The following SMAP1 variants were observed in gnomAD, a reference collection of about 807,000 sequenced individuals.
SMAP1 encodes the protein small ArfGAP 1.
In SMAP1, 24 loss-of-function variants were observed where a neutral mutation model predicts 58.5. That is an observed-to-expected ratio of 0.41 (90% CI 0.30 to 0.58). SMAP1 has a LOEUF of 0.58. Ranked by LOEUF, SMAP1 falls within the 20% of genes least tolerant of loss-of-function variation. The pLI is 0.29. For missense variants in SMAP1, 563 were observed against 566.3 expected (o/e 0.99, Z 0.06); for synonymous variants, 216 against 196.6 (o/e 1.10, Z -0.82).
chr6:70,706,896 A>G (rs1437878563), intron 1 of SMAP1, among the ~76,000 whole-genome samples: 3 of 152,208 alleles, frequency 2.0e-5, no homozygotes, highest in Admixed American at 6.5e-5. Flanking sequence ...GGATATATCA[A>G]ATAAGCCAGT....
intron 1 of SMAP1, among the ~76,000 whole-genome samples, chr6:70,687,357 T>C (rs963878983): frequency 6.6e-6 from 1 of 152,180 alleles, no homozygotes; most frequent in East Asian, 1.9e-4. Flanking sequence ...AAGGGAAATA[T>C]ATTTAGTAGG....
At position 70,790,942 on chromosome 6, in the gene SMAP1, T is replaced by A. The variant is rs534865690; in HGVS notation, c.415-747T>A. On this transcript the variant is annotated intron_variant, in intron 4 of 10. Coordinates refer to ENST00000370455, the MANE Select transcript of SMAP1 (RefSeq NM_001044305.3). ...TAATGCTTCCATTAAAGTGATCAAC[T>A]ACGCATGCAGAAATTGGGCAGGAAG... Among the ~76,000 whole-genome samples the A allele has an allele frequency of 2.0e-5, 3 of 152,316 alleles. No individual in the cohort carries two copies. The South Asian group carries it at 6.2e-4, about 32-fold the overall frequency.
rs1020076600 is a variant in SMAP1 at position 70,861,226 on chromosome 6, A to ATTACT, written c.*894_*898dup. The ATTACT allele has an allele frequency of 5.9e-5, 10 of 170,684 alleles. No individual in the cohort carries two copies. The highest frequency in any genetic ancestry group is 2.4e-4 in the African/African-American group (10 of 42,030). The allele number at this position is 170,684 out of a possible 1,614,324, so 10.6% of individuals were successfully genotyped here. A position where few individuals can be genotyped will look rare whatever the true frequency, so the allele number is the denominator to read the frequency against. On this transcript the variant is annotated 3_prime_UTR_variant, in exon 11 of 11. Coordinates refer to ENST00000370455, the MANE Select transcript of SMAP1 (RefSeq NM_001044305.3). ...GTATACTGCCACTAACCTTCCAAAA[A>ATTACT]TTACTTAGTATTGCAAAGTCAGGAA...
chr6:70,681,009 C>T (rs1045197902), intron 1 of SMAP1, among the ~76,000 whole-genome samples: 2 of 151,684 alleles, frequency 1.3e-5, no homozygotes, highest in African/African-American at 4.8e-5. Flanking sequence ...TGAGCCACTG[C>T]GCCTGGCCAT....
At chr6:70,842,433 TTGGTGAACTGACA>T (rs1770838252) in intron 7 of SMAP1, among the ~76,000 whole-genome samples, 1 of 152,146 alleles carries the variant, frequency 6.6e-6, no homozygotes, top group Non-Finnish European at 1.5e-5. Context: ...AGTAGGGCAG[TTGGTGAACTGACA>T]CCAGAAACGG....
intron 6 of SMAP1, among the ~76,000 whole-genome samples, chr6:70,812,339 A>G (rs1047994685): frequency 4.6e-5 from 7 of 152,240 alleles, no homozygotes; most frequent in Admixed American, 1.3e-4. Context: ...ATCTTTCAAA[A>G]TCACACATCT....
intron 3 of SMAP1, among the ~76,000 whole-genome samples, chr6:70,764,909 T>A (rs1426320367): frequency 6.6e-6 from 1 of 152,144 alleles, no homozygotes; most frequent in Non-Finnish European, 1.5e-5. Flanking sequence ...AGGTGATCCT[T>A]CCACCTCAGC....
At chr6:70,802,271 G>A (rs1768895371) in intron 6 of SMAP1, among the ~76,000 whole-genome samples, 1 of 152,098 alleles carries the variant, frequency 6.6e-6, no homozygotes, top group Admixed American at 6.5e-5. Flanking sequence ...TATTCTCTTT[G>A]TAGCAGTTGT....
intron 1 of SMAP1, among the ~76,000 whole-genome samples, chr6:70,709,728 A>T: frequency 6.6e-6 from 1 of 151,894 alleles, no homozygotes; most frequent in East Asian, 1.9e-4. Flanking sequence ...CAAATTTTAC[A>T]GTTTTTTTCT....
At chr6:70,848,090 C>G (rs1289660325) in intron 7 of SMAP1, among the ~76,000 whole-genome samples, 1 of 152,014 alleles carries the variant, frequency 6.6e-6, no homozygotes, top group Non-Finnish European at 1.5e-5. Context: ...ATTTTGTGGC[C>G]TCTGAGCTTT....
At chr6:70,739,842 G>T (rs1427278681) in intron 2 of SMAP1, among the ~76,000 whole-genome samples, 2 of 150,892 alleles carry the variant, frequency 1.3e-5, no homozygotes, top group Non-Finnish European at 3.0e-5. Flanking sequence ...GTTGTCTACG[G>T]TTCATTTTGT....
intron 1 of SMAP1, among the ~76,000 whole-genome samples, chr6:70,713,731 C>A (rs1577109): frequency 0.5 from 75,298 of 151,788 alleles, 18,990 homozygotes; most frequent in Non-Finnish European, 0.52. Context: ...TTGAGTAGAA[C>A]GTTCTGTATA....
chr6:70,670,193 G>A (rs1766205777), intron 1 of SMAP1, among the ~76,000 whole-genome samples: 1 of 152,164 alleles, frequency 6.6e-6, no homozygotes, highest in Non-Finnish European at 1.5e-5. Flanking sequence ...GGAGAGAAGA[G>A]AATGGTATCA....
At chr6:70,817,138 A>T (rs189215878) in intron 6 of SMAP1, among the ~76,000 whole-genome samples, 7,518 of 140,404 alleles carry the variant, frequency 0.054, 263 homozygotes, top group African/African-American at 0.11. Context: ...ATATATATAT[A>T]TTTTTTTTTT....
At chr6:70,829,210 C>G (rs547785428) in intron 6 of SMAP1, among the ~76,000 whole-genome samples, 65 of 152,160 alleles carry the variant, frequency 4.3e-4, no homozygotes, top group African/African-American at 1.4e-3. Context: ...CATGCTTGCT[C>G]TGACCCTCTA....
intron 2 of SMAP1, 59 bp from the exon 3 acceptor site, chr6:70,754,921 T>C: frequency 1.0e-6 from 1 of 979,270 alleles, no homozygotes; most frequent in Non-Finnish European, 1.6e-6. Flanking sequence ...TGTGTATGTA[T>C]GTGCAGGAAT....
At chr6:70,852,098 A>G (rs1452344771) in intron 7 of SMAP1, among the ~76,000 whole-genome samples, 6 of 152,192 alleles carry the variant, frequency 3.9e-5, no homozygotes, top group Admixed American at 3.3e-4. Flanking sequence ...GGGATTATTA[A>G]TAAGTGTGGT....
At chr6:70,729,644 A>G (rs940500061) in intron 1 of SMAP1, among the ~76,000 whole-genome samples, 2 of 152,084 alleles carry the variant, frequency 1.3e-5, no homozygotes, top group Non-Finnish European at 2.9e-5. Flanking sequence ...TTTATATCCT[A>G]GGTGCAGAAC....
Position 70,860,755 on chromosome 6 carries a change from A to C in SMAP1, c.*421A>C, listed in dbSNP as rs188347261. On this transcript the variant is annotated 3_prime_UTR_variant, in exon 11 of 11. Coordinates refer to ENST00000370455, the MANE Select transcript of SMAP1 (RefSeq NM_001044305.3). ...GTACTGTATGATCAAATGTTTAATC[A>C]TATAAATAGAATGTAAATGTCTCAC... 2.5e-6 allele frequency: 1 copy of C among 400,020 alleles called. No homozygotes were observed. Among genetic ancestry groups the C allele is most frequent in the Non-Finnish European group, 4.4e-6 (1 of 226,646 alleles). 24.8% of individuals were successfully genotyped at this position (400,020 alleles called of 1,614,324 possible).
Sources: gnomAD v4.1 joint callset for allele counts (sites outside exome capture counted in the v4.1 genomes callset) on GRCh38, gnomAD v4.1.1 for gene constraint, MANE v1.5 for transcripts, NCBI Gene and HGNC (gene_info 2026-07-23, HGNC 2026-07-21) for gene names.